Variants in USP7 observed in about 807,000 individuals in gnomAD.
USP7 encodes the protein ubiquitin C-terminal hydrolase 7.
In USP7, 9 loss-of-function variants were observed where a neutral mutation model predicts 162.9. That is an observed-to-expected ratio of 0.06 (90% confidence interval 0.03 to 0.10). USP7 has a LOEUF of 0.10. Among genes scored for constraint, USP7 ranks in the 10% least tolerant of loss-of-function variants. USP7 has a pLI of 1.00. For synonymous variants in USP7, 562 were observed against 475.9 expected (o/e 1.18, Z -2.35); for missense variants, 715 against 1,373.7 (o/e 0.52, Z 7.58).
At chr16:8,918,948 G>C (rs1897527640) in intron 6 of USP7, 83 bp downstream of exon 6, 1 of 1,394,264 alleles carries the variant, frequency 7.2e-7, no homozygotes. Context: ...GAGACGCCAT[G>C]TTTGTTGAGA....
intron 25 of USP7, 72 bp from the exon 26 acceptor site, chr16:8,897,171 G>C: frequency 8.3e-7 from 1 of 1,206,328 alleles, no homozygotes; most frequent in South Asian, 1.3e-5. Context: ...AGGAAGAGAG[G>C]AGAAAGTTGC....
chr16:8,905,360 C>G (rs768523700), intron 13 of USP7, 29 bp from the exon 14 acceptor site: 1 of 1,607,716 alleles, frequency 6.2e-7, no homozygotes, highest in East Asian at 2.2e-5. Flanking sequence ...ACACCAGCAG[C>G]GATCAAGCAC....
chr16:8,906,052 T>A (rs1297154442), intron 13 of USP7, among the ~76,000 whole-genome samples: 2 of 152,040 alleles, frequency 1.3e-5, no homozygotes, highest in Non-Finnish European at 2.9e-5. Context: ...GAGATCCCCA[T>A]GAGAGGAAAC....
chr16:8,898,561 A>G lies in USP7; in HGVS notation c.2610T>C (p.Pro870=). 1.2e-6 allele frequency: 2 copies of G among 1,612,306 alleles called. No individual in the cohort carries two copies. The highest frequency in any genetic ancestry group is 8.5e-7 in the Non-Finnish European group (1 of 1,179,538). Residue 870 remains proline, a synonymous_variant, in exon 24 of 31, where the codon CCT becomes CCC. Coordinates refer to ENST00000344836, the MANE Select transcript of USP7 (RefSeq NM_003470.3). ...TLRDLLQFFK[P]RQPKKLYYQQ... Reference sequence around the variant, plus strand: ...GATAGTAAAGTTTCTTAGGTTGTCTAGGCTTGAAGAACTGTAGAAGATCTC... The same window carrying G: ...GATAGTAAAGTTTCTTAGGTTGTCTGGGCTTGAAGAACTGTAGAAGATCTC...
chr16:8,926,738 A>G (rs987219832), intron 2 of USP7, among the ~76,000 whole-genome samples: 6 of 152,202 alleles, frequency 3.9e-5, no homozygotes, highest in Non-Finnish European at 8.8e-5. Flanking sequence ...AAAGACTCCA[A>G]TCTGCCTGGA....
intron 23 of USP7, 93 bp downstream of exon 23, chr16:8,899,028 C>T (rs747781046): frequency 3.5e-5 from 47 of 1,338,286 alleles, no homozygotes; most frequent in East Asian, 4.6e-5. Context: ...GGTGAAATGG[C>T]GAGCTAATTA....
intron 22 of USP7, 123 bp downstream of exon 22, chr16:8,899,481 T>G (rs2061741319): frequency 5.5e-6 from 7 of 1,270,272 alleles, no homozygotes; most frequent in Admixed American, 2.4e-5. Flanking sequence ...CAGTGGGAGA[T>G]TTCCTCGGGC....
chr16:8,919,217 C>G (rs571491552), intron 5 of USP7, 78 bp from the exon 6 acceptor site: 2 of 1,448,602 alleles, frequency 1.4e-6, no homozygotes, highest in Admixed American at 1.7e-5. Context: ...CAATCTGACT[C>G]AAGGTCAGCC....
intron 27 of USP7, among the ~76,000 whole-genome samples, chr16:8,895,432 C>T (rs923355224): frequency 2.6e-5 from 4 of 152,180 alleles, no homozygotes; most frequent in African/African-American, 9.7e-5. Context: ...TCAAGTGATC[C>T]ACAGTTTCTG....
chr16:8,897,105 T>C lies in USP7; in HGVS notation c.2719-6A>G. 6.2e-7 allele frequency: 1 copy of C among 1,601,576 alleles called. No homozygotes were observed. Among genetic ancestry groups the C allele is most frequent in the South Asian group, 1.1e-5 (1 of 90,506 alleles). On this transcript the variant is annotated splice_region_variant and splice_polypyrimidine_tract_variant and intron_variant, in intron 25 of 30. Coordinates refer to ENST00000344836, the MANE Select transcript of USP7 (RefSeq NM_003470.3). ...TCTGGATATAGTGTTATTTCCTAAG[T>C]AATGAAAAGATAAAATAAGTGCTTT...
chr16:8,921,444 AT>A (rs1440854627), intron 3 of USP7, 149 bp from the exon 4 acceptor site: 6 of 839,288 alleles, frequency 7.1e-6, no homozygotes, highest in Non-Finnish European at 1.1e-5. Context: ...GGATGGAGGC[AT>A]TTTTACCTTT....
intron 1 of USP7, among the ~76,000 whole-genome samples, chr16:8,941,841 G>A (rs747248809): frequency 7.2e-5 from 11 of 152,220 alleles, no homozygotes; most frequent in Admixed American, 2.6e-4. Context: ...CCCAGGGTTC[G>A]GCAGGGAACT....
At chr16:8,895,304 C>A (rs1034964699) in intron 27 of USP7, among the ~76,000 whole-genome samples, 154 bp from the exon 28 acceptor site, 4 of 152,200 alleles carry the variant, frequency 2.6e-5, no homozygotes, top group Admixed American at 1.3e-4. Context: ...GATGGGCACT[C>A]ATGGGAGTCT....
intron 2 of USP7, among the ~76,000 whole-genome samples, chr16:8,928,390 A>C (rs956507353): frequency 6.6e-6 from 1 of 152,226 alleles, no homozygotes; most frequent in African/African-American, 2.4e-5. Context: ...ATTAACAAAA[A>C]CTTATTTTGG....
chr16:8,919,627 G>C (rs1394799455), intron 5 of USP7, among the ~76,000 whole-genome samples: 1 of 151,830 alleles, frequency 6.6e-6, no homozygotes, highest in African/African-American at 2.4e-5. Flanking sequence ...GATTTTGGTG[G>C]TTGTTTGGGA....
At chr16:8,962,038 T>C (rs1302822179) in intron 1 of USP7, among the ~76,000 whole-genome samples, 3 of 152,348 alleles carry the variant, frequency 2.0e-5, no homozygotes, top group Middle Eastern at 3.4e-3. Flanking sequence ...TAAGTTATTC[T>C]ATTCAGAGGT....
rs538604634 is a variant in USP7, at chr16:8,954,915, G to A, written c.79+8292C>T. Among the ~76,000 whole-genome samples the A allele has an allele frequency of 1.7e-4, 26 of 152,220 alleles. No individual in the cohort carries two copies. The East Asian group carries it at 4.1e-3, about 24-fold the overall frequency. On this transcript the variant is annotated intron_variant, in intron 1 of 30. Coordinates refer to ENST00000344836, the MANE Select transcript of USP7 (RefSeq NM_003470.3). ...GCAGAGGTTGCAGTGAGCCAAGATC[G>A]TGCCACTGCACTCCACCCTGACAAC...
At chr16:8,934,589 C>A (rs1898573866) in intron 1 of USP7, among the ~76,000 whole-genome samples, 1 of 152,222 alleles carries the variant, frequency 6.6e-6, no homozygotes, top group Non-Finnish European at 1.5e-5. Flanking sequence ...GGCTTCTCTG[C>A]AGTTGGCCTT....
intron 1 of USP7, among the ~76,000 whole-genome samples, chr16:8,949,929 C>T (rs1242447969): frequency 2.0e-5 from 3 of 152,178 alleles, no homozygotes; most frequent in Admixed American, 6.5e-5. Context: ...GGAGGTCTAA[C>T]GGTTGCTATC....
Sources: allele counts gnomAD v4.1 joint callset (sites outside exome capture counted in the v4.1 genomes callset), GRCh38; gene constraint gnomAD v4.1.1; transcripts MANE v1.5; gene names NCBI Gene and HGNC (gene_info 2026-07-23, HGNC 2026-07-21).